The following CERKL variants were observed in gnomAD, a reference collection of about 807,000 sequenced individuals.
CERKL encodes the protein ceramide kinase-like protein.
CERKL carries 61 observed loss-of-function variants against 63.4 expected under a neutral mutation model. The ratio of observed to expected loss-of-function variants is 0.96; its 90% CI spans 0.78 to 1.19. The LOEUF is 1.19. CERKL is among the 50% of genes most tolerant of loss of function. The pLI is 0.00. For synonymous variants in CERKL, 250 were observed against 230.5 expected (o/e 1.08, Z -0.77); for missense variants, 675 against 655.5 (o/e 1.03, Z -0.33).
chr2:181,603,418 A>T (rs1685537916), intron 2 of CERKL, among the ~76,000 whole-genome samples: 1 of 152,216 alleles, frequency 6.6e-6, no homozygotes, highest in South Asian at 2.1e-4. Flanking sequence ...CTATGAGGCC[A>T]GTATTACCCT....
chr2:181,595,724 GATGATA>G (rs1239736848), intron 2 of CERKL, among the ~76,000 whole-genome samples: 1 of 152,144 alleles, frequency 6.6e-6, no homozygotes, highest in Non-Finnish European at 1.5e-5. Context: ...TAAACTAAGA[GATGATA>G]ATGATAATAA....
chr2:181,593,381 G>A (rs371788416), intron 2 of CERKL, among the ~76,000 whole-genome samples: 2 of 152,088 alleles, frequency 1.3e-5, no homozygotes, highest in African/African-American at 4.8e-5. Context: ...ACTAATATCC[G>A]TGGTAAACAG....
intron 1 of CERKL, among the ~76,000 whole-genome samples, chr2:181,640,657 G>T (rs1159079327): frequency 1.3e-5 from 2 of 152,216 alleles, no homozygotes; most frequent in Non-Finnish European, 2.9e-5. Flanking sequence ...AAAACATCCA[G>T]TCTAGGCAAT....
chr2:181,611,245 AAAAT>A (rs908537949), intron 1 of CERKL, among the ~76,000 whole-genome samples: 3 of 151,938 alleles, frequency 2.0e-5, no homozygotes, highest in Non-Finnish European at 4.4e-5. Flanking sequence ...ATAATAAATA[AAAAT>A]ACTTACTTAC....
intron 1 of CERKL, among the ~76,000 whole-genome samples, chr2:181,637,625 C>CT (rs1371148356): frequency 6.6e-6 from 1 of 152,038 alleles, no homozygotes; most frequent in Non-Finnish European, 1.5e-5. Context: ...AACAAATAAG[C>CT]TTTCCTACCT....
At chr2:181,581,765 G>A (rs1055582305) in intron 2 of CERKL, among the ~76,000 whole-genome samples, 2 of 152,172 alleles carry the variant, frequency 1.3e-5, no homozygotes, top group Non-Finnish European at 2.9e-5. Context: ...CATATCCAGG[G>A]CTCAAGGTTG....
chr2:181,565,358 T>C, intron 4 of CERKL: 1 of 976,168 alleles, frequency 1.0e-6, no homozygotes, highest in South Asian at 1.3e-5. Flanking sequence ...GTTTTAGTCT[T>C]ACACATCAGT....
Position 181,580,937 on chromosome 2 carries a change from T to C in CERKL, c.482-7053A>G, listed in dbSNP as rs190940495. Among the ~76,000 whole-genome samples, 269 of 152,266 alleles carry C rather than the reference T, an allele frequency of 1.8e-3. 1 individual carries two copies. The highest frequency in any genetic ancestry group is 3.2e-3 in the Non-Finnish European group (216 of 67,996). On this transcript the variant is annotated intron_variant, in intron 2 of 12. Transcript: ENST00000410087. ...TGCCCGTTTCTTTGGTGTTAATTGA[T>C]CTGTTTAGATTTCCTATGTCTTCTG... is the stretch of plus-strand genomic sequence containing the variant.
At chr2:181,652,018 T>C (rs1426917924) in intron 1 of CERKL, among the ~76,000 whole-genome samples, 3 of 152,050 alleles carry the variant, frequency 2.0e-5, no homozygotes, top group Admixed American at 6.6e-5. Flanking sequence ...CATCAATAAA[T>C]GGGAAGATAG....
At chr2:181,567,116 T>C (rs1232077648) in intron 3 of CERKL, among the ~76,000 whole-genome samples, 1 of 152,148 alleles carries the variant, frequency 6.6e-6, no homozygotes, top group Non-Finnish European at 1.5e-5. Flanking sequence ...AATTCTCCCA[T>C]AGCTTATTCA....
intron 5 of CERKL, among the ~76,000 whole-genome samples, chr2:181,555,814 A>C (rs1245199814): frequency 1.4e-5 from 2 of 144,632 alleles, no homozygotes; most frequent in African/African-American, 5.2e-5. Context: ...GTACAGTGGC[A>C]CAATCTCAGC....
chr2:181,572,614 G>A (rs34389552), intron 3 of CERKL, among the ~76,000 whole-genome samples: 37,770 of 151,766 alleles, frequency 0.25, 5,069 homozygotes, highest in African/African-American at 0.35. Flanking sequence ...TCTTTTACTT[G>A]TAAATCACCT....
At chr2:181,655,788 A>T (rs184236144) in intron 1 of CERKL, among the ~76,000 whole-genome samples, 1 of 152,332 alleles carries the variant, frequency 6.6e-6, no homozygotes, top group East Asian at 1.9e-4. Flanking sequence ...GAGGTTGAAT[A>T]CCAAATTCCA....
chr2:181,644,653 G>A (rs1464893777), intron 1 of CERKL, among the ~76,000 whole-genome samples: 2 of 152,032 alleles, frequency 1.3e-5, no homozygotes, highest in Non-Finnish European at 2.9e-5. Flanking sequence ...AGAAATCCTG[G>A]AATAACGCAA....
chr2:181,545,980 C>T (rs1687710364), intron 10 of CERKL, among the ~76,000 whole-genome samples: 1 of 152,052 alleles, frequency 6.6e-6, no homozygotes, highest in African/African-American at 2.4e-5. Flanking sequence ...GATATTCTAA[C>T]ATAAATTATT....
At chr2:181,605,084 T>C (rs1290858031) in intron 1 of CERKL, among the ~76,000 whole-genome samples, 3 of 152,144 alleles carry the variant, frequency 2.0e-5, no homozygotes, top group Non-Finnish European at 4.4e-5. Flanking sequence ...CGTGAAACAG[T>C]AGTTTTCAGA....
At chr2:181,540,643 G>A (rs1178589809) in intron 11 of CERKL, among the ~76,000 whole-genome samples, 3 of 152,162 alleles carry the variant, frequency 2.0e-5, no homozygotes, top group Non-Finnish European at 4.4e-5. Context: ...TCTTAAATCA[G>A]CAGTTGTCAT....
rs765987503 is a variant in CERKL at position 181,603,837 on chromosome 2, C to T, written c.481G>A (p.Gly161Ser). The T allele has an allele frequency of 1.1e-5, 17 of 1,612,982 alleles. No individual in the cohort carries two copies. The highest frequency in any genetic ancestry group is 1.4e-5 in the Non-Finnish European group (16 of 1,179,360). The change falls in exon 2 of 13, where the codon GGC (glycine) becomes AGC (serine). Residue 161 changes from glycine (G) to serine (S), a missense_variant and splice_region_variant. Gly to Ser is a moderately conservative substitution (Grantham distance 56, BLOSUM62 0). Transcript: ENST00000410087. ...AAAATTTCCCATGAGGAGTACTTAC[C>T]TGCCAATATTTTCTTGAACTGTCTA... ...WFRQFKKILA[G>S]FPNRPKSLKI...
chr2:181,582,499 A>G lies in CERKL; in HGVS notation c.482-8615T>C, dbSNP rs138600667. ...ATAGCTAGAATATTTTATTTTATTC[A>G]ACTGAAATATTGTCAACATATATAT... On this transcript the variant is annotated intron_variant, in intron 2 of 12. Transcript: ENST00000410087. Among the ~76,000 whole-genome samples the G allele has an allele frequency of 8.6e-4, 129 of 150,438 alleles. 1 individual carries two copies. The East Asian group carries it at 0.023, about 27-fold the overall frequency.
Sources: gnomAD v4.1 joint callset for allele counts (sites outside exome capture counted in the v4.1 genomes callset) on GRCh38, gnomAD v4.1.1 for gene constraint, MANE v1.5 for transcripts, NCBI Gene and HGNC (gene_info 2026-07-23, HGNC 2026-07-21) for gene names.